GALNT13: variants seen among roughly 807,000 people sequenced by gnomAD.
GALNT13 encodes polypeptide N-acetylgalactosaminyltransferase 13.
In GALNT13, 28 loss-of-function variants were observed where a neutral mutation model predicts 64.2. The observed-to-expected ratio is 0.44, with a 90% CI of 0.32 to 0.60. The LOEUF (loss-of-function observed/expected upper bound fraction) is 0.60. Ranked by LOEUF, GALNT13 falls within the 20% of genes least tolerant of loss-of-function variation. The pLI is 0.05. For synonymous variants in GALNT13, 214 were observed against 224.6 expected, an observed-to-expected ratio of 0.95 and a Z score of 0.42; for missense variants, 577 against 669.8, an observed-to-expected ratio of 0.86 and a Z score of 1.53.
chr2:153,082,538 C>T, the GALNT13 span, among the ~76,000 whole-genome samples: 12 of 127,424 alleles, frequency 9.4e-5, no homozygotes, highest in Non-Finnish European at 1.3e-4. Flanking sequence ...ATATTTGCTT[C>T]ATGCACTGGT....
At chr2:153,221,346 A>G in the GALNT13 span, among the ~76,000 whole-genome samples, 1 of 152,204 alleles carries the variant, frequency 6.6e-6, no homozygotes, top group African/African-American at 2.4e-5. Flanking sequence ...AGAAACACCC[A>G]AATCTATGTC....
chr2:153,444,894 A>G, the GALNT13 span, among the ~76,000 whole-genome samples: 4 of 152,214 alleles, frequency 2.6e-5, no homozygotes, highest in Non-Finnish European at 4.4e-5. Flanking sequence ...TCTTGTGTCA[A>G]TATAGATTTA....
chr2:153,233,160 T>C, the GALNT13 span, among the ~76,000 whole-genome samples: 7 of 152,168 alleles, frequency 4.6e-5, no homozygotes, highest in African/African-American at 1.7e-4. Context: ...ACGTTAAAAC[T>C]TTAAAGTCTA....
the GALNT13 span, among the ~76,000 whole-genome samples, chr2:153,319,820 A>G: frequency 1.3e-5 from 2 of 152,220 alleles, no homozygotes; most frequent in Non-Finnish European, 2.9e-5. Context: ...TTTTAAAAGC[A>G]TACTAACTTT....
the GALNT13 span, among the ~76,000 whole-genome samples, chr2:153,154,836 C>T: frequency 6.6e-6 from 1 of 152,046 alleles, no homozygotes; most frequent in Non-Finnish European, 1.5e-5. Flanking sequence ...CAGCTTTTGC[C>T]CATTCAGTAT....
rs191125867 is a variant in GALNT13, at chr2:154,188,002, A to G, written c.311+47497A>G. ...CCAAGAAAAGAGTAGTGATGTAGCT[A>G]GGCATCAGGCATTCTCTCTCTCTCT... On this transcript the variant is annotated intron_variant, in intron 4 of 12. Transcript: ENST00000392825. 2.0e-5 allele frequency among the ~76,000 whole-genome samples: 3 copies of G among 146,980 alleles called. No individual in the cohort carries two copies. The East Asian group carries it at 6.3e-4, about 31-fold the overall frequency.
At chr2:154,030,285 T>G (rs934798027) in intron 3 of GALNT13, among the ~76,000 whole-genome samples, 3 of 152,054 alleles carry the variant, frequency 2.0e-5, no homozygotes, top group African/African-American at 7.2e-5. Context: ...AAAGAAAATT[T>G]GGAAGACATC....
chr2:153,737,333 G>A, the GALNT13 span, among the ~76,000 whole-genome samples: 1 of 151,694 alleles, frequency 6.6e-6, no homozygotes, highest in African/African-American at 2.4e-5. Flanking sequence ...TATTACCTTT[G>A]TTCAAATATG....
the GALNT13 span, among the ~76,000 whole-genome samples, chr2:153,391,096 A>T: frequency 2.0e-5 from 3 of 151,918 alleles, no homozygotes; most frequent in Non-Finnish European, 4.4e-5. Context: ...AGGCAGAAGG[A>T]CTATAGAGGT....
intron 4 of GALNT13, among the ~76,000 whole-genome samples, chr2:154,158,563 G>A (rs578205020): frequency 6.6e-6 from 1 of 152,232 alleles, no homozygotes; most frequent in African/African-American, 2.4e-5. Context: ...GTCACAGTGT[G>A]CCTATTAAAA....
intron 9 of GALNT13, among the ~76,000 whole-genome samples, chr2:154,305,124 A>G (rs1693659054): frequency 6.6e-6 from 1 of 152,264 alleles, no homozygotes; most frequent in South Asian, 2.1e-4. Context: ...TCAGGAAGTC[A>G]GAAATCTATT....
At chr2:153,672,262 C>T in the GALNT13 span, among the ~76,000 whole-genome samples, 1 of 152,128 alleles carries the variant, frequency 6.6e-6, no homozygotes, top group Non-Finnish European at 1.5e-5. Context: ...CTTCTCAGCA[C>T]CACATTGCAC....
At chr2:154,043,455 T>TACATAC (rs1553470481) in intron 3 of GALNT13, among the ~76,000 whole-genome samples, 2 of 105,018 alleles carry the variant, frequency 1.9e-5, no homozygotes, top group Non-Finnish European at 3.6e-5. Context: ...TATATATATA[T>TACATAC]ACACACATGT....
chr2:154,202,065 T>A (rs1423982540), intron 4 of GALNT13, among the ~76,000 whole-genome samples: 1 of 152,130 alleles, frequency 6.6e-6, no homozygotes, highest in Non-Finnish European at 1.5e-5. Flanking sequence ...CAATCCAAAA[T>A]ACTTTTGTGA....
At chr2:154,012,093 A>T (rs896438286) in intron 3 of GALNT13, among the ~76,000 whole-genome samples, 1 of 152,128 alleles carries the variant, frequency 6.6e-6, no homozygotes, top group African/African-American at 2.4e-5. Context: ...ATAAGTGGGT[A>T]TTTGATTCTG....
At chr2:153,142,225 C>A in the GALNT13 span, among the ~76,000 whole-genome samples, 2 of 152,010 alleles carry the variant, frequency 1.3e-5, no homozygotes, top group East Asian at 3.9e-4. Context: ...CAGAGCAAAA[C>A]CCCTGGAGGG....
chr2:154,374,617 C>G (rs938234617), intron 9 of GALNT13, among the ~76,000 whole-genome samples: 14 of 152,162 alleles, frequency 9.2e-5, no homozygotes, highest in African/African-American at 1.4e-4. Flanking sequence ...ACTATACCAG[C>G]AGAAGTTGTC....
At chr2:153,934,253 A>C (rs1465831435) in intron 2 of GALNT13, among the ~76,000 whole-genome samples, 1 of 152,180 alleles carries the variant, frequency 6.6e-6, no homozygotes, top group Non-Finnish European at 1.5e-5. Context: ...TTGTAGCAAA[A>C]ATTCAAGCTT....
At chr2:153,166,995 G>A in the GALNT13 span, among the ~76,000 whole-genome samples, 1 of 152,202 alleles carries the variant, frequency 6.6e-6, no homozygotes, top group East Asian at 1.9e-4. Context: ...GACCTTGATT[G>A]CAGCCTTGTG....
Sources: gnomAD v4.1 joint callset for allele counts (sites outside exome capture counted in the v4.1 genomes callset) on GRCh38, gnomAD v4.1.1 for gene constraint, MANE v1.5 for transcripts, NCBI Gene and HGNC (gene_info 2026-07-23, HGNC 2026-07-21) for gene names.